Variants in ZNF69 observed in about 807,000 individuals in gnomAD.
ZNF69 encodes ZNF3.
A neutral mutation model predicts 50.9 loss-of-function variants in ZNF69; 47 were observed. The observed-to-expected ratio is 0.92, with a 90% CI of 0.73 to 1.18. The LOEUF (loss-of-function observed/expected upper bound fraction) is 1.18. ZNF69 is among the 50% of genes most tolerant of loss of function. ZNF69 has a pLI of 0.00. For synonymous variants in ZNF69, 216 were observed against 223.1 expected, an observed-to-expected ratio of 0.97 and a Z score of 0.29; for missense variants, 717 against 675.1, an observed-to-expected ratio of 1.06 and a Z score of -0.69.
At position 11,898,385 on chromosome 19, in the gene ZNF69, C is replaced by CTTT. The variant is rs745487579; in HGVS notation, c.64-5167_64-5165dup. Among the ~76,000 whole-genome samples the CTTT allele has an allele frequency of 4.2e-3, 387 of 91,850 alleles. 6 individuals carry two copies. Among genetic ancestry groups the CTTT allele is most frequent in the Middle Eastern group, 0.016 (2 of 126 alleles). The allele number at this position is 91,850 out of a possible 152,430, so 60.3% of individuals were successfully genotyped here. On this transcript the variant is annotated intron_variant, in intron 1 of 3. Transcript: ENST00000429654. ...CTTCCAGGCTCATAGTTCCTCCTGG[C>CTTT]TTTTTTTTTTTTTTTTTTTTTTTGA...
downstream of ZNF69, among the ~76,000 whole-genome samples, chr19:11,915,516 G>C (rs1289861938): frequency 6.6e-6 from 1 of 152,212 alleles, no homozygotes; most frequent in Non-Finnish European, 1.5e-5. Context: ...CTGGAGCACA[G>C]GCCCAAAGGG....
the ZNF69 span, chr19:11,948,995 A>G: frequency 1.2e-5 from 20 of 1,607,684 alleles, no homozygotes; most frequent in Non-Finnish European, 1.7e-5. Flanking sequence ...CTTCGTAGAC[A>G]TGAAAGGACC....
At chr19:11,965,292 G>A in the ZNF69 span, 11 of 1,595,296 alleles carry the variant, frequency 6.9e-6, no homozygotes. Context: ...CGGGACCCGG[G>A]CCTCCCTGCG....
chr19:11,976,875 C>A, the ZNF69 span: 1 of 1,483,088 alleles, frequency 6.7e-7, no homozygotes, highest in South Asian at 1.4e-5. Flanking sequence ...ACAACAACAA[C>A]AAAAATGCTT....
chr19:11,935,881 C>G, the ZNF69 span, among the ~76,000 whole-genome samples: 2 of 152,128 alleles, frequency 1.3e-5, no homozygotes, highest in African/African-American at 2.4e-5. Flanking sequence ...TGACAGGCCC[C>G]GGTGTGTGAT....
rs149642805 is a variant in ZNF69, at chr19:11,895,165, T to G, written c.63+7179T>G. On this transcript the variant is annotated intron_variant, in intron 1 of 3. Transcript: ENST00000429654. ...TGCAGCTTGAGTATTTCAAATTAAC[T>G]TTACGTTGCATTTTTCACTAGAGCC... Among the ~76,000 whole-genome samples the G allele has an allele frequency of 2.0e-3, 302 of 152,328 alleles. 2 individuals carry two copies. Among genetic ancestry groups the G allele is most frequent in the African/African-American group, 6.8e-3 (281 of 41,568 alleles).
intron 1 of ZNF69, among the ~76,000 whole-genome samples, chr19:11,902,288 T>C (rs1347997255): frequency 6.6e-6 from 1 of 152,196 alleles, no homozygotes; most frequent in African/African-American, 2.4e-5. Flanking sequence ...GGCTAAGATG[T>C]CATTTTCTAA....
At chr19:11,890,846 T>C (rs1036640289) in intron 1 of ZNF69, among the ~76,000 whole-genome samples, 1 of 152,098 alleles carries the variant, frequency 6.6e-6, no homozygotes, top group African/African-American at 2.4e-5. Context: ...AAATGCTTGA[T>C]TGGTTGCAGA....
the ZNF69 span, among the ~76,000 whole-genome samples, chr19:11,957,360 C>T: frequency 6.6e-6 from 1 of 151,866 alleles, no homozygotes; most frequent in Non-Finnish European, 1.5e-5. Context: ...TCCCAAAGTG[C>T]TGGGATTACA....
the ZNF69 span, among the ~76,000 whole-genome samples, chr19:11,926,029 A>C: frequency 2.6e-5 from 4 of 152,144 alleles, no homozygotes; most frequent in Non-Finnish European, 5.9e-5. Context: ...GGGATTCTGT[A>C]GGTGGCAGCT....
Position 11,903,606 on chromosome 19 carries a change from T to G in ZNF69, c.97T>G (p.Phe33Val). ...GGCCTTTGATGATGTTGCTGTGAAC[T>G]TCACCCAGGAGGAGTGGGCTTTGCT... ...PVAFDDVAVN[F>V]TQEEWALLDI... is the part of the protein sequence containing the mutation. Residue 33 changes from phenylalanine (F) to valine (V), a missense_variant, in exon 2 of 4, where the codon TTC becomes GTC. Phe to Val is a conservative substitution (Grantham distance 50). Transcript: ENST00000429654. The G allele has an allele frequency of 6.2e-7, 1 of 1,614,136 alleles. No individual in the cohort carries two copies. The highest frequency in any genetic ancestry group is 8.5e-7 in the Non-Finnish European group (1 of 1,180,020).
chr19:11,972,250 A>C, the ZNF69 span, among the ~76,000 whole-genome samples: 1 of 151,706 alleles, frequency 6.6e-6, no homozygotes, highest in Non-Finnish European at 1.5e-5. Context: ...GCACCACCAC[A>C]CTCCAGCCTG....
chr19:11,905,488 T>C lies in ZNF69; in HGVS notation c.1091T>C (p.Ile364Thr), dbSNP rs1284911650. Residue 364 changes from isoleucine (I) to threonine (T), a missense_variant, in exon 4 of 4, where the codon ATA (isoleucine) becomes ACA (threonine). Ile to Thr is a moderately conservative substitution (Grantham distance 89). Transcript: ENST00000429654. ...HSGERPYECK[I>T]CGKGFCSANS... ...GGAGAAAGACCTTATGAATGTAAGA[T>C]ATGTGGGAAAGGCTTTTGTTCTGCC... is the stretch of plus-strand genomic sequence containing the variant. 15 of 1,614,026 alleles carry C rather than the reference T, an allele frequency of 9.3e-6. No homozygotes were observed. In the Admixed American group the frequency reaches 2.3e-4, roughly 25 times the overall value.
chr19:11,976,722 C>T, the ZNF69 span: 13 of 345,610 alleles, frequency 3.8e-5, no homozygotes, highest in African/African-American at 1.1e-4. Context: ...CAAAATTAGC[C>T]GGGTGTGGTG....
At chr19:11,938,757 G>A in the ZNF69 span, among the ~76,000 whole-genome samples, 1 of 152,200 alleles carries the variant, frequency 6.6e-6, no homozygotes, top group Non-Finnish European at 1.5e-5. Context: ...GGGATGGCTG[G>A]ATCAAATGGT....
intron 4 of ZNF69, among the ~76,000 whole-genome samples, chr19:11,911,724 A>G (rs542325850): frequency 6.6e-6 from 1 of 152,270 alleles, no homozygotes; most frequent in African/African-American, 2.4e-5. Context: ...AATATGAATG[A>G]CAAGTTAATG....
chr19:11,925,173 G>A, the ZNF69 span: 7 of 1,609,376 alleles, frequency 4.3e-6, no homozygotes, highest in Non-Finnish European at 5.9e-6. Flanking sequence ...GGGACCTGGT[G>A]CCTGTACCCA....
At chr19:11,942,714 G>A in the ZNF69 span, among the ~76,000 whole-genome samples, 869 of 152,332 alleles carry the variant, frequency 5.7e-3, 8 homozygotes, top group South Asian at 0.02. Flanking sequence ...GACTTTCACA[G>A]TGCTTTCTCA....
At chr19:11,934,519 CTTTGTTTG>C in the ZNF69 span, among the ~76,000 whole-genome samples, 2 of 146,420 alleles carry the variant, frequency 1.4e-5, no homozygotes, top group South Asian at 2.1e-4. Flanking sequence ...TTCTTTTTTT[CTTTGTTTG>C]TTTGTTTGTT....
Sources: gnomAD v4.1 joint callset for allele counts (sites outside exome capture counted in the v4.1 genomes callset) on GRCh38, gnomAD v4.1.1 for gene constraint, MANE v1.5 for transcripts, NCBI Gene and HGNC (gene_info 2026-07-23, HGNC 2026-07-21) for gene names.